Variants in EYS observed in about 807,000 individuals in gnomAD.
EYS encodes the protein protein eyes shut homolog.
In EYS, 250 loss-of-function variants were observed where a neutral mutation model predicts 282.1. The ratio of observed to expected loss-of-function variants is 0.89; its 90% CI spans 0.80 to 0.98. The LOEUF is 0.98. EYS is among the 50% of genes least tolerant of loss of function. The probability of loss-of-function intolerance (pLI) is 0.00; values close to 1 mark genes in which losing one functional copy is unlikely to be tolerated. For missense variants in EYS, 4,016 were observed against 3,709.0 expected (o/e 1.08, Z -2.15); for synonymous variants, 1,355 against 1,282.9 (o/e 1.06, Z -1.20).
At chr6:65,173,849 T>C (rs1765166730) in intron 12 of EYS, among the ~76,000 whole-genome samples, 1 of 151,254 alleles carries the variant, frequency 6.6e-6, no homozygotes, top group Admixed American at 6.6e-5. Flanking sequence ...GAAATTTAGT[T>C]GCATAGTAAG....
At chr6:65,198,179 G>C (rs1765814724) in intron 12 of EYS, among the ~76,000 whole-genome samples, 4 of 151,904 alleles carry the variant, frequency 2.6e-5, no homozygotes, top group Admixed American at 2.6e-4. Flanking sequence ...CACACAATAA[G>C]GATCATCAAT....
chr6:64,870,196 T>A (rs1021691989), intron 19 of EYS, among the ~76,000 whole-genome samples: 2 of 151,578 alleles, frequency 1.3e-5, no homozygotes, highest in African/African-American at 4.8e-5. Context: ...CCAAAGAGAA[T>A]TGAAAGCCTG....
In EYS at chr6:65,549,858, C is replaced by T. The variant is rs140656984; in HGVS notation, c.-332-53865G>A. ...TGGTTCAATGGCTGCCGCCCATTGG[C>T]CAGAACAGTTACAGATTACATTAGT... On this transcript the variant is annotated intron_variant, in intron 2 of 42. Transcript: ENST00000503581. Among the ~76,000 whole-genome samples the T allele has an allele frequency of 1.5e-3, 227 of 152,246 alleles. 1 individual carries two copies. The highest frequency in any genetic ancestry group is 5.2e-3 in the African/African-American group (214 of 41,546).
At chr6:64,890,660 C>G (rs142815354) in intron 18 of EYS, among the ~76,000 whole-genome samples, 3,276 of 152,154 alleles carry the variant, frequency 0.022, 62 homozygotes, top group Middle Eastern at 0.061. Context: ...TTTGTTTGCT[C>G]TTTAACATTT....
At chr6:64,286,615 T>C (rs755736227) in intron 30 of EYS, among the ~76,000 whole-genome samples, 20 of 152,114 alleles carry the variant, frequency 1.3e-4, no homozygotes, top group Non-Finnish European at 2.4e-4. Context: ...TAGGAGTCAT[T>C]TGAATTGGAA....
At chr6:65,635,771 T>C (rs1373515242) in intron 2 of EYS, among the ~76,000 whole-genome samples, 1 of 152,216 alleles carries the variant, frequency 6.6e-6, no homozygotes, top group African/African-American at 2.4e-5. Context: ...TTTGAGATAT[T>C]TGTTCAGGTT....
At chr6:64,655,036 T>C (rs1356048419) in intron 22 of EYS, among the ~76,000 whole-genome samples, 1 of 152,102 alleles carries the variant, frequency 6.6e-6, no homozygotes, top group African/African-American at 2.4e-5. Flanking sequence ...GATAGAAAGT[T>C]TTACCTTCTA....
At chr6:64,640,669 T>C (rs1342440886) in intron 22 of EYS, among the ~76,000 whole-genome samples, 1 of 152,068 alleles carries the variant, frequency 6.6e-6, no homozygotes. Context: ...TGTATACATA[T>C]GTAACTAACC....
chr6:64,506,788 A>C (rs968337771), intron 26 of EYS, among the ~76,000 whole-genome samples: 3 of 151,618 alleles, frequency 2.0e-5, no homozygotes, highest in Non-Finnish European at 4.4e-5. Context: ...AAGCGGCTGT[A>C]GTCCCAGCTA....
intron 12 of EYS, among the ~76,000 whole-genome samples, chr6:65,182,660 G>GT (rs1250232184): frequency 8.6e-5 from 13 of 151,220 alleles, no homozygotes; most frequent in Admixed American, 6.6e-4. Context: ...TGTTTAATTG[G>GT]TTTTTTTTGT....
intron 5 of EYS, among the ~76,000 whole-genome samples, chr6:65,407,697 T>C (rs1299858869): frequency 3.3e-5 from 5 of 152,048 alleles, no homozygotes; most frequent in African/African-American, 1.2e-4. Context: ...GATCATGTCA[T>C]TTGTGAATAA....
intron 2 of EYS, among the ~76,000 whole-genome samples, chr6:65,514,889 T>A (rs1235644210): frequency 6.6e-6 from 1 of 152,130 alleles, no homozygotes; most frequent in Non-Finnish European, 1.5e-5. Context: ...GGCAAGGACT[T>A]CATGTCTAAA....
intron 12 of EYS, among the ~76,000 whole-genome samples, chr6:65,080,849 T>G (rs1379828152): frequency 6.6e-6 from 1 of 152,174 alleles, no homozygotes; most frequent in African/African-American, 2.4e-5. Context: ...AAATTTTGCA[T>G]CTTTTTACAT....
chr6:65,506,801 G>A (rs182596087), intron 2 of EYS, among the ~76,000 whole-genome samples: 1 of 151,848 alleles, frequency 6.6e-6, no homozygotes, highest in Non-Finnish European at 1.5e-5. Flanking sequence ...AATTTAATTT[G>A]ATTTTTAAAT....
intron 12 of EYS, among the ~76,000 whole-genome samples, chr6:65,272,306 G>A (rs1767927252): frequency 6.6e-6 from 1 of 152,208 alleles, no homozygotes; most frequent in African/African-American, 2.4e-5. Context: ...GTGTCATTAT[G>A]AGAGGAGAGT....
At chr6:65,195,897 G>C (rs1389532293) in intron 12 of EYS, among the ~76,000 whole-genome samples, 2 of 151,962 alleles carry the variant, frequency 1.3e-5, no homozygotes, top group Non-Finnish European at 2.9e-5. Context: ...TCCAAACACA[G>C]ACTTCTGGAA....
At chr6:65,268,091 C>T (rs76698733) in intron 12 of EYS, among the ~76,000 whole-genome samples, 6,467 of 151,962 alleles carry the variant, frequency 0.043, 189 homozygotes, top group Middle Eastern at 0.065. Context: ...TGTAAAAATG[C>T]TGTTATGCTG....
At chr6:64,263,542 C>A (rs1205533004) in intron 30 of EYS, among the ~76,000 whole-genome samples, 3 of 152,082 alleles carry the variant, frequency 2.0e-5, no homozygotes, top group African/African-American at 4.8e-5. Context: ...GGTGCTCTTT[C>A]TCTTTCAAGA....
chr6:64,644,268 C>G (rs2149873527), intron 22 of EYS, among the ~76,000 whole-genome samples: 1 of 152,134 alleles, frequency 6.6e-6, no homozygotes, highest in East Asian at 1.9e-4. Flanking sequence ...ATGGAGCATC[C>G]CAGTTTTATG....
Sources: gnomAD v4.1 joint callset for allele counts (sites outside exome capture counted in the v4.1 genomes callset) on GRCh38, gnomAD v4.1.1 for gene constraint, MANE v1.5 for transcripts, NCBI Gene and HGNC (gene_info 2026-07-23, HGNC 2026-07-21) for gene names.